ZNF862: variants seen among roughly 807,000 people sequenced by gnomAD.
ZNF862 encodes the protein zinc finger protein 862.
ZNF862 carries 64 observed loss-of-function variants against 91.1 expected under a neutral mutation model. The observed-to-expected ratio is 0.70, with a 90% CI of 0.57 to 0.87. ZNF862 has a LOEUF of 0.87. Ranked by LOEUF, ZNF862 falls within the 40% of genes least tolerant of loss-of-function variation. The pLI, the probability that ZNF862 is intolerant of heterozygous loss-of-function variation, is 0.00. For synonymous variants in ZNF862, 631 were observed against 618.1 expected (o/e 1.02, Z -0.31); for missense variants, 1,459 against 1,528.0 (o/e 0.95, Z 0.75).
intron 3 of ZNF862, 109 bp from the exon 4 acceptor site, chr7:149,847,626 T>C (rs1219035532): frequency 1.6e-6 from 1 of 635,724 alleles, no homozygotes; most frequent in Non-Finnish European, 2.7e-6. Context: ...TGTGTGTGTG[T>C]GTGTGTGCTT....
Position 149,846,054 on chromosome 7 carries a change from T to A in ZNF862, c.137-97T>A. The stretch of plus-strand genomic sequence containing the variant: ...CCCCTTATCTCACCATGCCGAGAGA[T>A]GTCGCAGACAGATACCTCCTTCGTG... On this transcript the variant is annotated intron_variant, in intron 2 of 7. Transcript: ENST00000223210. The A allele has an allele frequency of 6.1e-6, 5 of 817,390 alleles. No homozygotes were observed. In the South Asian group the frequency reaches 8.0e-5, roughly 13 times the overall value. 50.6% of individuals were successfully genotyped at this position (817,390 alleles called of 1,614,324 possible).
chr7:149,838,679 TC>T, intron 1 of ZNF862, 44 bp downstream of exon 1: 1 of 1,189,374 alleles, frequency 8.4e-7, no homozygotes, highest in Non-Finnish European at 1.1e-6. Flanking sequence ...CTCCCGAGGA[TC>T]CCCGAGCCGG....
rs900727208 is a variant in ZNF862 at position 149,838,631 on chromosome 7, G to A, written c.20G>A (p.Gly7Glu). Residue 7 changes from glycine (G) to glutamate (E), a missense_variant, in exon 1 of 8, where the codon GGG (glycine) becomes GAG (glutamate). Physicochemically the swap from Gly to Glu is moderately conservative, Grantham distance 98 (BLOSUM62 -2). Coordinates refer to ENST00000223210, the MANE Select transcript of ZNF862 (RefSeq NM_001099220.3). ...GGGGCCATGGAGCCCAGAGAGTCGGGGAAGGTAGGACTGGAAGGCCCGGGG... is the reference window on the plus strand; with the variant it reads ...GGGGCCATGGAGCCCAGAGAGTCGGAGAAGGTAGGACTGGAAGGCCCGGGG... The part of the protein sequence containing the change: MEPRES[G>E]KAPVTFDDIT... 4 of 1,228,458 alleles carry A rather than the reference G, an allele frequency of 3.3e-6. No homozygotes were observed. Among genetic ancestry groups the A allele is most frequent in the Non-Finnish European group, 4.1e-6 (4 of 980,566 alleles). The allele number at this position is 1,228,458 out of a possible 1,614,324, so 76.1% of individuals were successfully genotyped here.
At chr7:149,839,370 T>C (rs534192369) in intron 1 of ZNF862, among the ~76,000 whole-genome samples, 2 of 152,332 alleles carry the variant, frequency 1.3e-5, no homozygotes, top group African/African-American at 4.8e-5. Flanking sequence ...TTGAGTATTG[T>C]TTCTTATTTG....
chr7:149,844,553 T>C (rs1224103486), intron 1 of ZNF862, 72 bp from the exon 2 acceptor site: 6 of 1,115,262 alleles, frequency 5.4e-6, no homozygotes, highest in Non-Finnish European at 6.6e-6. Flanking sequence ...TGCCCTCAGG[T>C]GGTCAGGAAC....
At chr7:149,845,367 G>A (rs894827667) in intron 2 of ZNF862, among the ~76,000 whole-genome samples, 3 of 152,194 alleles carry the variant, frequency 2.0e-5, no homozygotes, top group African/African-American at 2.4e-5. Context: ...ACTGTTTGCT[G>A]ATTGCAAGTT....
Position 149,850,409 on chromosome 7 carries a change from T to C in ZNF862, c.1117+71T>C, listed in dbSNP as rs1045658162. 15 of 1,496,208 alleles carry C rather than the reference T, an allele frequency of 1.0e-5. No individual in the cohort carries two copies. In the African/African-American group the frequency reaches 1.4e-4, roughly 14 times the overall value. 92.7% of individuals were successfully genotyped at this position (1,496,208 alleles called of 1,614,324 possible). ...GGAAGCCCACAAGGGGAGCTGTGGC[T>C]TGTGGTTATCTTCCCATTCCTGCCC... On this transcript the variant is annotated intron_variant, in intron 5 of 7. Transcript: ENST00000223210. This position sits in a 1 kb window ranked among gnomAD's most constrained non-coding sequence, Gnocchi z 4.2.
At chr7:149,842,979 A>G (rs1440507881) in intron 1 of ZNF862, among the ~76,000 whole-genome samples, 1 of 152,256 alleles carries the variant, frequency 6.6e-6, no homozygotes, top group Non-Finnish European at 1.5e-5. Context: ...TGGCAGTACA[A>G]TTCCATTTTT....
At chr7:149,845,625 T>C (rs143621794) in intron 2 of ZNF862, among the ~76,000 whole-genome samples, 31 of 152,342 alleles carry the variant, frequency 2.0e-4, no homozygotes, top group African/African-American at 7.5e-4. Flanking sequence ...TTCATTTCTT[T>C]TGTTTGGCTT....
chr7:149,847,767 G>A lies in ZNF862; in HGVS notation c.274G>A (p.Glu92Lys). Residue 92 changes from glutamate (E) to lysine (K), a missense_variant, in exon 4 of 8, where the codon GAG (glutamate) becomes AAG (lysine). Transcript: ENST00000223210. ...ACAGATGGGCTACATGGGAGAAATG[G>A]AGGTGCAAGGTCCCACCAGGGAGAG... is the stretch of plus-strand genomic sequence containing the variant. ...KKQMGYMGEMEVQGPTRESGQ... is the reference protein window; with the variant it reads ...KKQMGYMGEMKVQGPTRESGQ... 2 of 1,613,432 alleles carry A rather than the reference G, an allele frequency of 1.2e-6. No homozygotes were observed. The highest frequency in any genetic ancestry group is 1.7e-6 in the Non-Finnish European group (2 of 1,179,708).
At chr7:149,853,903 A>G (rs1381557473) in intron 5 of ZNF862, among the ~76,000 whole-genome samples, 1 of 147,504 alleles carries the variant, frequency 6.8e-6, no homozygotes, top group East Asian at 2.0e-4. Context: ...GTGCCACTGT[A>G]CTCCAGCCTG....
At chr7:149,841,397 C>G (rs995497563) in intron 1 of ZNF862, 7 of 985,326 alleles carry the variant, frequency 7.1e-6, no homozygotes, top group Non-Finnish European at 8.4e-6. Flanking sequence ...CAGACTTTTC[C>G]CCATCATGTT....
chr7:149,854,428 T>A (rs1276550631), intron 5 of ZNF862, among the ~76,000 whole-genome samples: 1 of 152,212 alleles, frequency 6.6e-6, no homozygotes, highest in East Asian at 1.9e-4. Flanking sequence ...GTGAAGAAAT[T>A]TAGTATGAAC....
In ZNF862 at chr7:149,847,994, C is replaced by G. The variant is rs765289727; in HGVS notation, c.501C>G (p.Tyr167Ter). The G allele has an allele frequency of 1.2e-6, 2 of 1,612,708 alleles. No individual in the cohort carries two copies. Among genetic ancestry groups the G allele is most frequent in the Non-Finnish European group, 1.7e-6 (2 of 1,179,314 alleles). The part of the protein sequence containing the change: ...TALFCSACRE[Y>*]PSIRDKRSRL... ...TGTTCTGCTCTGCTTGCCGAGAATA[C>G]CCCTCCATCAGGGACAAACGGTCAA... Residue 167 changes from tyrosine (Y) to a stop codon, truncating the protein, a stop_gained, in exon 4 of 8, where the codon TAC becomes TAG. Coordinates refer to ENST00000223210, the MANE Select transcript of ZNF862 (RefSeq NM_001099220.3). LOFTEE classifies it high-confidence loss of function.
chr7:149,842,690 G>A (rs1801749101), intron 1 of ZNF862, among the ~76,000 whole-genome samples: 1 of 152,228 alleles, frequency 6.6e-6, no homozygotes. Flanking sequence ...CATGAAGAGG[G>A]ATCCTGGCTG....
intron 7 of ZNF862, among the ~76,000 whole-genome samples, chr7:149,863,568 C>G (rs1433785691): frequency 3.3e-5 from 5 of 152,234 alleles, no homozygotes; most frequent in Non-Finnish European, 2.9e-5. Flanking sequence ...GTGAGTTGCT[C>G]TGTGTCCAGC....
Position 149,860,505 on chromosome 7 carries a change from G to A in ZNF862, c.1345G>A (p.Glu449Lys). Residue 449 changes from glutamate to lysine, a missense_variant, in exon 7 of 8, where the codon GAA becomes AAA. Glu to Lys is a moderately conservative substitution (Grantham distance 56). Transcript: ENST00000223210. ...ASCCSSSICE[E>K]GDGPRRIKRT... ...CTGCTGCAGTTCCAGCATTTGTGAG[G>A]AAGGAGATGGACCTAGGAGAATCAA... 6.2e-7 allele frequency: 1 copy of A among 1,613,972 alleles called. No individual in the cohort carries two copies. Among genetic ancestry groups the A allele is most frequent in the Non-Finnish European group, 8.5e-7 (1 of 1,179,890 alleles).
chr7:149,862,132 A>C lies in ZNF862; in HGVS notation c.2972A>C (p.Glu991Ala). The C allele has an allele frequency of 1.2e-6, 2 of 1,613,532 alleles. No individual in the cohort carries two copies. Among genetic ancestry groups the C allele is most frequent in the Non-Finnish European group, 1.7e-6 (2 of 1,179,872 alleles). ...PTGYSEEALL[E>A]EWLGLKTIAQ... Reference sequence around the variant, plus strand: ...GGATACAGTGAGGAAGCTCTGCTGGAGGAGTGGCTGGGCCTGAAAACCATT... The same window carrying C: ...GGATACAGTGAGGAAGCTCTGCTGGCGGAGTGGCTGGGCCTGAAAACCATT... The change falls in exon 7 of 8, where the codon GAG (glutamate) becomes GCG (alanine). Residue 991 changes from glutamate (E) to alanine (A), a missense_variant. Coordinates refer to ENST00000223210, the MANE Select transcript of ZNF862 (RefSeq NM_001099220.3).
At chr7:149,843,540 A>G (rs558223932) in intron 1 of ZNF862, among the ~76,000 whole-genome samples, 1 of 151,442 alleles carries the variant, frequency 6.6e-6, no homozygotes, top group Admixed American at 6.6e-5. Context: ...CCTTCCCTCC[A>G]TTTTCTTAGC....
Sources: allele counts gnomAD v4.1 joint callset (sites outside exome capture counted in the v4.1 genomes callset), GRCh38; gene constraint gnomAD v4.1.1; non-coding constraint Gnocchi (gnomAD v3.1); transcripts MANE v1.5; gene names NCBI Gene and HGNC (gene_info 2026-07-23, HGNC 2026-07-21).